Variants in SYT10 observed in about 807,000 individuals in gnomAD.
SYT10 encodes synaptotagmin 10.
Under a neutral mutation model 51.1 loss-of-function variants are expected in SYT10, and 31 were observed. The ratio of observed to expected loss-of-function variants is 0.61; its 90% CI spans 0.46 to 0.82. The LOEUF (loss-of-function observed/expected upper bound fraction) is 0.82, where lower values mean the gene tolerates loss of function less well. Among genes scored for constraint, SYT10 ranks in the 40% least tolerant of loss-of-function variants. The pLI, the probability that SYT10 is intolerant of heterozygous loss-of-function variation, is 0.00. For missense variants in SYT10, 603 were observed against 634.0 expected, an observed-to-expected ratio of 0.95 and a Z score of 0.53; for synonymous variants, 233 against 225.9, an observed-to-expected ratio of 1.03 and a Z score of -0.28.
At chr12:33,377,629 C>CTTTTTT (rs375275079) in intron 6 of SYT10, among the ~76,000 whole-genome samples, 8 of 114,002 alleles carry the variant, frequency 7.0e-5, no homozygotes, top group South Asian at 2.7e-4. Context: ...TTTTCTTTTT[C>CTTTTTT]TTTTTTTTTT....
At chr12:33,399,807 G>A (rs906656808) in intron 3 of SYT10, among the ~76,000 whole-genome samples, 3 of 151,922 alleles carry the variant, frequency 2.0e-5, no homozygotes, top group South Asian at 2.1e-4. Context: ...ATCAATTCTC[G>A]CAAAGTAAAA....
intron 3 of SYT10, among the ~76,000 whole-genome samples, chr12:33,406,105 T>C (rs1383596025): frequency 6.6e-6 from 1 of 152,098 alleles, no homozygotes; most frequent in African/African-American, 2.4e-5. Flanking sequence ...ATATAATTGG[T>C]AGCACTGTAG....
At chr12:33,392,512 G>C (rs777658906) in intron 3 of SYT10, among the ~76,000 whole-genome samples, 1 of 152,094 alleles carries the variant, frequency 6.6e-6, no homozygotes, top group African/African-American at 2.4e-5. Context: ...ATAGAGGTCA[G>C]GGAAGATACA....
intron 3 of SYT10, among the ~76,000 whole-genome samples, chr12:33,393,587 C>G (rs1866228959): frequency 6.6e-6 from 1 of 152,188 alleles, no homozygotes; most frequent in Non-Finnish European, 1.5e-5. Context: ...AGTTTCTTCT[C>G]CACGTAATAG....
At chr12:33,433,856 A>G (rs1565500896) in intron 1 of SYT10, among the ~76,000 whole-genome samples, 1 of 152,134 alleles carries the variant, frequency 6.6e-6, no homozygotes, top group Non-Finnish European at 1.5e-5. Context: ...CGCCCCCAGA[A>G]TCTCCTCTTC....
At chr12:33,382,620 G>A (rs1866125972) in intron 4 of SYT10, 100 bp from the exon 5 acceptor site, 2 of 1,108,470 alleles carry the variant, frequency 1.8e-6, no homozygotes, top group African/African-American at 1.6e-5. Context: ...TAGTACTAAG[G>A]CCTATATTAA....
intron 2 of SYT10, among the ~76,000 whole-genome samples, chr12:33,423,639 T>C (rs1180140591): frequency 6.6e-6 from 1 of 152,200 alleles, no homozygotes; most frequent in Non-Finnish European, 1.5e-5. Context: ...ATGATATTCA[T>C]ATACAATTCC....
intron 5 of SYT10, 40 bp from the exon 6 acceptor site, chr12:33,380,001 C>G (rs896925077): frequency 1.3e-6 from 2 of 1,554,744 alleles, no homozygotes; most frequent in African/African-American, 2.7e-5. Flanking sequence ...TTCCAACATT[C>G]AAAGATAAAG....
chr12:33,410,354 A>G (rs529925067), intron 2 of SYT10, among the ~76,000 whole-genome samples: 56 of 152,340 alleles, frequency 3.7e-4, no homozygotes, highest in African/African-American at 1.3e-3. Context: ...TTGAGCAGTA[A>G]TTCAAAAAAC....
chr12:33,383,535 G>A (rs150464339), intron 4 of SYT10, among the ~76,000 whole-genome samples: 1 of 152,024 alleles, frequency 6.6e-6, no homozygotes, highest in Non-Finnish European at 1.5e-5. Flanking sequence ...AAGATAACAG[G>A]GTCATGTTAA....
At chr12:33,425,856 C>T (rs555695045) in intron 2 of SYT10, among the ~76,000 whole-genome samples, 8 of 152,194 alleles carry the variant, frequency 5.3e-5, no homozygotes, top group South Asian at 2.1e-4. Context: ...TGTAGTTACA[C>T]GATTTTACTG....
intron 3 of SYT10, among the ~76,000 whole-genome samples, chr12:33,391,236 C>T (rs201247561): frequency 2.0e-5 from 3 of 151,480 alleles, no homozygotes; most frequent in African/African-American, 7.3e-5. Context: ...CGCCTGGCTG[C>T]TTTTTATTTT....
At chr12:33,383,846 A>G (rs577035357) in intron 4 of SYT10, among the ~76,000 whole-genome samples, 1 of 152,330 alleles carries the variant, frequency 6.6e-6, no homozygotes, top group African/African-American at 2.4e-5. Flanking sequence ...TATAAATAAA[A>G]TGTAATCTTG....
intron 3 of SYT10, among the ~76,000 whole-genome samples, chr12:33,388,744 G>A (rs1212298249): frequency 6.6e-6 from 1 of 152,208 alleles, no homozygotes; most frequent in Non-Finnish European, 1.5e-5. Context: ...CCACCAGAAT[G>A]TAGCTGGGTA....
intron 1 of SYT10, among the ~76,000 whole-genome samples, chr12:33,429,672 C>T (rs535054240): frequency 6.6e-6 from 1 of 152,096 alleles, no homozygotes; most frequent in African/African-American, 2.4e-5. Flanking sequence ...AGTATGACGT[C>T]ATACTTACTG....
chr12:33,417,616 G>C (rs1262251610), intron 2 of SYT10, among the ~76,000 whole-genome samples: 5 of 152,240 alleles, frequency 3.3e-5, no homozygotes, highest in African/African-American at 4.8e-5. Context: ...TTGCTGTGCA[G>C]CATTAGCTAG....
chr12:33,388,086 A>T (rs778288003), intron 3 of SYT10, among the ~76,000 whole-genome samples: 1 of 151,148 alleles, frequency 6.6e-6, no homozygotes, highest in Non-Finnish European at 1.5e-5. Flanking sequence ...TAGTGAAGAC[A>T]GCAAGTAAAA....
chr12:33,383,142 A>G (rs1028751679), intron 4 of SYT10, among the ~76,000 whole-genome samples: 5 of 152,206 alleles, frequency 3.3e-5, no homozygotes, highest in African/African-American at 1.2e-4. Context: ...TAAAACTGCT[A>G]TAGTATTATA....
intron 2 of SYT10, among the ~76,000 whole-genome samples, chr12:33,414,512 A>C (rs1030827264): frequency 6.6e-6 from 1 of 152,240 alleles, no homozygotes; most frequent in Non-Finnish European, 1.5e-5. Context: ...ACTAGAACTC[A>C]GGATTAAGAA....
Sources: gnomAD v4.1 joint callset for allele counts (sites outside exome capture counted in the v4.1 genomes callset) on GRCh38, gnomAD v4.1.1 for gene constraint, MANE v1.5 for transcripts, NCBI Gene and HGNC (gene_info 2026-07-23, HGNC 2026-07-21) for gene names.